ADGRF5: variants seen among roughly 807,000 people sequenced by gnomAD.
ADGRF5 encodes adhesion G protein-coupled receptor F5, also known as G-protein coupled receptor 116.
Under a neutral mutation model 132.3 loss-of-function variants are expected in ADGRF5, and 75 were observed. The observed-to-expected ratio is 0.57, with a 90% CI of 0.47 to 0.69. The LOEUF is 0.69. Ranked by LOEUF, ADGRF5 falls within the 30% of genes least tolerant of loss-of-function variation. The probability of loss-of-function intolerance (pLI) is 0.00; values close to 1 mark genes in which losing one functional copy is unlikely to be tolerated. For synonymous variants in ADGRF5, 629 were observed against 597.6 expected (o/e 1.05, Z -0.77); for missense variants, 1,516 against 1,630.6 (o/e 0.93, Z 1.21).
intron 3 of ADGRF5, among the ~76,000 whole-genome samples, chr6:46,899,769 C>T (rs937383929): frequency 6.6e-6 from 1 of 151,338 alleles, no homozygotes; most frequent in African/African-American, 2.4e-5. Context: ...AGGAGGGAGC[C>T]ACAGAAAAAT....
At chr6:46,908,317 A>G (rs1775601165) in intron 1 of ADGRF5, among the ~76,000 whole-genome samples, 1 of 152,118 alleles carries the variant, frequency 6.6e-6, no homozygotes, top group African/African-American at 2.4e-5. Flanking sequence ...TTCCTTTTTG[A>G]AAGACAGTGT....
chr6:46,880,232 C>T (rs1048200444), intron 8 of ADGRF5, among the ~76,000 whole-genome samples, 193 bp from the exon 9 acceptor site: 7 of 152,288 alleles, frequency 4.6e-5, no homozygotes, highest in African/African-American at 1.7e-4. Context: ...TATGTCCTGC[C>T]ACATGCCAGG....
intron 1 of ADGRF5, among the ~76,000 whole-genome samples, chr6:46,908,341 T>C (rs191517340): frequency 8.5e-5 from 13 of 152,298 alleles, no homozygotes; most frequent in Admixed American, 1.3e-4. Flanking sequence ...TTTGTGGGTA[T>C]TGAACAGGCT....
intron 1 of ADGRF5, among the ~76,000 whole-genome samples, chr6:46,936,709 C>G (rs939420574): frequency 6.6e-6 from 1 of 152,194 alleles, no homozygotes; most frequent in Non-Finnish European, 1.5e-5. Flanking sequence ...CCCTCCAGGT[C>G]CATCTTTGCC....
intron 7 of ADGRF5, 129 bp from the exon 8 acceptor site, chr6:46,881,726 A>G: frequency 1.4e-6 from 1 of 724,648 alleles, no homozygotes; most frequent in Non-Finnish European, 2.3e-6. Context: ...TATGGATCTG[A>G]CTGGCCAGCA....
chr6:46,864,825 A>T (rs114991830), intron 14 of ADGRF5, among the ~76,000 whole-genome samples: 1 of 152,154 alleles, frequency 6.6e-6, no homozygotes, highest in African/African-American at 2.4e-5. Context: ...CACCCGGCCA[A>T]TAACATTTTT....
At chr6:46,899,223 G>T (rs771517336) in intron 3 of ADGRF5, among the ~76,000 whole-genome samples, 4 of 152,062 alleles carry the variant, frequency 2.6e-5, no homozygotes, top group Non-Finnish European at 4.4e-5. Context: ...GCAGGGTGTT[G>T]ATGACGTGAA....
At chr6:46,891,511 A>G (rs1349650070) in intron 3 of ADGRF5, among the ~76,000 whole-genome samples, 3 of 152,238 alleles carry the variant, frequency 2.0e-5, no homozygotes, top group African/African-American at 4.8e-5. Context: ...CCATAAATAT[A>G]AACAGGATTT....
intron 9 of ADGRF5, 76 bp downstream of exon 9, chr6:46,879,741 TA>T: frequency 1.0e-6 from 1 of 996,630 alleles, no homozygotes; most frequent in Non-Finnish European, 1.6e-6. Flanking sequence ...CATAGCTACG[TA>T]AAACACTATT....
intron 10 of ADGRF5, among the ~76,000 whole-genome samples, chr6:46,876,779 A>AT (rs751569082): frequency 3.3e-5 from 5 of 152,030 alleles, no homozygotes; most frequent in Non-Finnish European, 7.4e-5. Context: ...AATTTTTTGT[A>AT]TTTTTAGTAG....
intron 1 of ADGRF5, among the ~76,000 whole-genome samples, chr6:46,920,629 G>A (rs954455160): frequency 1.1e-4 from 17 of 152,068 alleles, no homozygotes; most frequent in Non-Finnish European, 2.4e-4. Context: ...TTGGGAGGCC[G>A]AGGCAGGTGG....
chr6:46,871,711 G>T, intron 11 of ADGRF5, 132 bp downstream of exon 11: 2 of 531,160 alleles, frequency 3.8e-6, no homozygotes, highest in Non-Finnish European at 6.6e-6. Flanking sequence ...CCCATTGTGT[G>T]ATTTGCCCTA....
At chr6:46,898,157 C>G (rs1774377758) in intron 3 of ADGRF5, among the ~76,000 whole-genome samples, 1 of 152,190 alleles carries the variant, frequency 6.6e-6, no homozygotes, top group African/African-American at 2.4e-5. Context: ...CCAAGGGCTA[C>G]CCCCTCACGT....
At chr6:46,932,676 G>A (rs1446077351) in intron 1 of ADGRF5, among the ~76,000 whole-genome samples, 3 of 152,132 alleles carry the variant, frequency 2.0e-5, no homozygotes, top group Non-Finnish European at 2.9e-5. Context: ...GGGTGACATC[G>A]CTAGATCAGT....
At chr6:46,914,507 T>G (rs1418650378) in intron 1 of ADGRF5, among the ~76,000 whole-genome samples, 1 of 152,160 alleles carries the variant, frequency 6.6e-6, no homozygotes, top group Non-Finnish European at 1.5e-5. Context: ...GCAGCAGCAT[T>G]GTGTCAGGGC....
intron 11 of ADGRF5, among the ~76,000 whole-genome samples, chr6:46,869,787 C>G (rs1260562537): frequency 6.6e-6 from 1 of 152,182 alleles, no homozygotes; most frequent in Non-Finnish European, 1.5e-5. Flanking sequence ...AATAATTACA[C>G]CTGCACTGTC....
chr6:46,859,855 TAAGCCTA>T, intron 16 of ADGRF5, among the ~76,000 whole-genome samples: 1 of 151,666 alleles, frequency 6.6e-6, no homozygotes, highest in South Asian at 2.1e-4. Context: ...TTTTAAATCT[TAAGCCTA>T]TATTTTTAGT....
intron 1 of ADGRF5, among the ~76,000 whole-genome samples, chr6:46,910,943 T>C (rs1233674759): frequency 2.0e-5 from 3 of 152,222 alleles, no homozygotes; most frequent in Non-Finnish European, 4.4e-5. Flanking sequence ...TTTAAGAGTC[T>C]AAAATTCTTC....
chr6:46,941,524 C>T (rs1260185506), intron 1 of ADGRF5, among the ~76,000 whole-genome samples: 5 of 151,796 alleles, frequency 3.3e-5, no homozygotes, highest in African/African-American at 1.2e-4. Flanking sequence ...CTAGAGCCCA[C>T]CCCAGACTTC....
Sources: allele counts gnomAD v4.1 joint callset (sites outside exome capture counted in the v4.1 genomes callset), GRCh38; gene constraint gnomAD v4.1.1; transcripts MANE v1.5; gene names NCBI Gene and HGNC (gene_info 2026-07-23, HGNC 2026-07-21).